FAM184A: variants seen among roughly 807,000 people sequenced by gnomAD.
The protein encoded by FAM184A is family with sequence similarity 184 member A, also known as protein FAM184A.
A neutral mutation model predicts 143.8 loss-of-function variants in FAM184A; 99 were observed. That is an observed-to-expected ratio of 0.69 (90% CI 0.58 to 0.81). The LOEUF (loss-of-function observed/expected upper bound fraction) is 0.81. Ranked by LOEUF, FAM184A falls within the 40% of genes least tolerant of loss-of-function variation. The pLI is 0.00. For synonymous variants in FAM184A, 427 were observed against 446.4 expected (o/e 0.96, Z 0.55); for missense variants, 1,217 against 1,310.5 (o/e 0.93, Z 1.10).
chr6:119,085,651 C>G (rs1192294471), intron 1 of FAM184A, among the ~76,000 whole-genome samples: 1 of 152,194 alleles, frequency 6.6e-6, no homozygotes, highest in Non-Finnish European at 1.5e-5. Flanking sequence ...AGCAACGCCC[C>G]ACTCTTTGGT....
At chr6:119,075,455 A>G (rs1464568932) in intron 1 of FAM184A, among the ~76,000 whole-genome samples, 1 of 152,168 alleles carries the variant, frequency 6.6e-6, no homozygotes, top group African/African-American at 2.4e-5. Flanking sequence ...AGATGAGGAA[A>G]CTGAGGCTCA....
In FAM184A at chr6:119,022,942, T is replaced by C. The variant is rs779227737; in HGVS notation, c.1150+3A>G. 2 of 1,614,130 alleles carry C rather than the reference T, an allele frequency of 1.2e-6. No individual in the cohort carries two copies. The highest frequency in any genetic ancestry group is 2.2e-5 in the East Asian group (1 of 44,872). ...TTACATCAAAAACTGTGGTCACACATACTAGCTTTGAGGACAAGATCTGAA... is the reference window on the plus strand; with the variant it reads ...TTACATCAAAAACTGTGGTCACACACACTAGCTTTGAGGACAAGATCTGAA... On this transcript the variant is annotated splice_donor_region_variant and intron_variant, in intron 3 of 17. Coordinates refer to ENST00000338891, the MANE Select transcript of FAM184A (RefSeq NM_024581.6).
At chr6:118,980,556 A>C (rs1783989518) in intron 9 of FAM184A, among the ~76,000 whole-genome samples, 1 of 152,232 alleles carries the variant, frequency 6.6e-6, no homozygotes, top group Non-Finnish European at 1.5e-5. Flanking sequence ...TTATTCTGAA[A>C]ATAGTTTAGT....
chr6:118,973,053 CA>C (rs1306353993), intron 14 of FAM184A, among the ~76,000 whole-genome samples: 3 of 152,086 alleles, frequency 2.0e-5, no homozygotes, highest in Non-Finnish European at 4.4e-5. Flanking sequence ...AAGGCAACTT[CA>C]AAAAGTGGTA....
intron 1 of FAM184A, among the ~76,000 whole-genome samples, chr6:119,029,397 G>C (rs1435867889): frequency 6.6e-6 from 1 of 152,136 alleles, no homozygotes; most frequent in African/African-American, 2.4e-5. Flanking sequence ...AAGCTTTGAT[G>C]AATCAGTTCC....
At chr6:118,962,633 A>G (rs1783370859) in intron 16 of FAM184A, 1 of 152,176 alleles carries the variant, frequency 6.6e-6, no homozygotes, top group Admixed American at 6.5e-5. Flanking sequence ...TAATTGGCTC[A>G]TATTTTTTAA....
chr6:118,990,767 T>C (rs1293839636), intron 9 of FAM184A, among the ~76,000 whole-genome samples: 1 of 151,452 alleles, frequency 6.6e-6, no homozygotes, highest in Non-Finnish European at 1.5e-5. Flanking sequence ...CACCTGTAAT[T>C]CCAGCTACAG....
At chr6:118,990,977 T>A (rs1007816158) in intron 9 of FAM184A, among the ~76,000 whole-genome samples, 1 of 151,970 alleles carries the variant, frequency 6.6e-6, no homozygotes, top group Non-Finnish European at 1.5e-5. Flanking sequence ...TTGAGTAAGA[T>A]GTATCAACTT....
intron 5 of FAM184A, among the ~76,000 whole-genome samples, chr6:119,015,481 G>A (rs918298340): frequency 4.8e-4 from 73 of 152,290 alleles, no homozygotes; most frequent in African/African-American, 1.2e-3. Flanking sequence ...CAGCGGCTGC[G>A]GAGGGTGTAC....
At chr6:119,045,487 A>G (rs563350977) in intron 1 of FAM184A, among the ~76,000 whole-genome samples, 250 of 152,274 alleles carry the variant, frequency 1.6e-3, no homozygotes, top group Non-Finnish European at 3.0e-3. Flanking sequence ...TTTTGGCATT[A>G]CAACCTTGGA....
chr6:119,141,601 C>T (rs73520236), intron 1 of FAM184A, among the ~76,000 whole-genome samples: 1,676 of 152,218 alleles, frequency 0.011, 37 homozygotes, highest in African/African-American at 0.038. Flanking sequence ...CTCAGCCTCC[C>T]GAGTAGCTGG....
chr6:119,123,174 G>T (rs554714752), intron 1 of FAM184A, among the ~76,000 whole-genome samples: 1 of 151,834 alleles, frequency 6.6e-6, no homozygotes, highest in African/African-American at 2.4e-5. Flanking sequence ...GATCACTTGA[G>T]GTCAGAAATT....
chr6:119,099,049 G>T (rs969139300), intron 1 of FAM184A, among the ~76,000 whole-genome samples: 1 of 152,204 alleles, frequency 6.6e-6, no homozygotes, highest in Non-Finnish European at 1.5e-5. Context: ...GGTGGAGGTT[G>T]CAGTGAGCCG....
At chr6:119,025,831 C>T (rs1428884726) in intron 1 of FAM184A, among the ~76,000 whole-genome samples, 7 of 152,204 alleles carry the variant, frequency 4.6e-5, no homozygotes, top group Non-Finnish European at 1.5e-5. Flanking sequence ...TGTGATATTA[C>T]TCTGGCTTTA....
intron 1 of FAM184A, among the ~76,000 whole-genome samples, chr6:119,053,974 C>T (rs1041108486): frequency 1.3e-5 from 2 of 152,082 alleles, no homozygotes; most frequent in African/African-American, 4.8e-5. Context: ...ACGAATATTA[C>T]GATGTGCTCC....
At chr6:119,076,742 A>G (rs1000008554) in intron 1 of FAM184A, among the ~76,000 whole-genome samples, 1 of 152,212 alleles carries the variant, frequency 6.6e-6, no homozygotes, top group Non-Finnish European at 1.5e-5. Flanking sequence ...CAGGACATCA[A>G]TATTCGGAAG....
intron 14 of FAM184A, among the ~76,000 whole-genome samples, chr6:118,972,323 T>A (rs1783721201): frequency 6.6e-6 from 1 of 152,254 alleles, no homozygotes; most frequent in Non-Finnish European, 1.5e-5. Context: ...AGAGCCATTT[T>A]TAGCTAGAAG....
intron 1 of FAM184A, among the ~76,000 whole-genome samples, chr6:119,088,522 A>G (rs999851274): frequency 2.0e-5 from 3 of 152,316 alleles, no homozygotes; most frequent in African/African-American, 2.4e-5. Flanking sequence ...CATTTTGGCC[A>G]GAAGAATCAT....
chr6:119,032,897 A>G (rs1785945652), intron 1 of FAM184A, among the ~76,000 whole-genome samples: 1 of 152,222 alleles, frequency 6.6e-6, no homozygotes, highest in African/African-American at 2.4e-5. Flanking sequence ...GCCATAAGAC[A>G]TCAGAGTTAA....
Sources: gnomAD v4.1 joint callset for allele counts (sites outside exome capture counted in the v4.1 genomes callset) on GRCh38, gnomAD v4.1.1 for gene constraint, MANE v1.5 for transcripts, NCBI Gene and HGNC (gene_info 2026-07-23, HGNC 2026-07-21) for gene names.